Variants in MYO7B observed in about 807,000 individuals in gnomAD.
MYO7B encodes unconventional myosin-VIIb.
MYO7B carries 212 observed loss-of-function variants against 259.7 expected under a neutral mutation model. That is an observed-to-expected ratio of 0.82 (90% CI 0.73 to 0.91). MYO7B has a LOEUF of 0.91. Ranked by LOEUF, MYO7B falls within the 40% of genes least tolerant of loss-of-function variation. The probability of loss-of-function intolerance (pLI) is 0.00; values close to 1 mark genes in which losing one functional copy is unlikely to be tolerated. For synonymous variants in MYO7B, 1,197 were observed against 1,166.4 expected, an observed-to-expected ratio of 1.03 and a Z score of -0.54; for missense variants, 2,732 against 2,813.5, an observed-to-expected ratio of 0.97 and a Z score of 0.66.
intron 19 of MYO7B, among the ~76,000 whole-genome samples, chr2:127,598,990 C>T (rs1326632646): frequency 6.6e-6 from 1 of 152,164 alleles, no homozygotes; most frequent in East Asian, 1.9e-4. Flanking sequence ...AGTCTTAAAG[C>T]TGTGTAGACT....
At position 127,590,150 on chromosome 2, in the gene MYO7B, A is replaced by T; in HGVS notation, c.1913A>T (p.Asp638Val). The change falls in exon 16 of 48, where the codon GAC (aspartate) becomes GTC (valine). Residue 638 changes from aspartate (D) to valine (V), a missense_variant. Physicochemically the swap from Asp to Val is radical, Grantham distance 152 (BLOSUM62 -3). Coordinates refer to ENST00000409816, the MANE Select transcript of MYO7B (RefSeq NM_001393586.1). This position sits in a 1 kb window ranked among gnomAD's most constrained non-coding sequence, Gnocchi z 4.6. ...TLGSQFKQSL[D>V]QLMKILTNCQ... ...GGAAGCCAGTTCAAACAGTCTCTGG[A>T]CCAGCTGATGAAAATCCTGACCAAC... 6.2e-7 allele frequency: 1 copy of T among 1,610,992 alleles called. No homozygotes were observed.
At chr2:127,603,967 A>C (rs1325436283) in intron 19 of MYO7B, among the ~76,000 whole-genome samples, 1 of 152,092 alleles carries the variant, frequency 6.6e-6, no homozygotes, top group Admixed American at 6.5e-5. Flanking sequence ...CCCCATCTCT[A>C]CTAAAAATAC....
chr2:127,612,212 C>G, intron 24 of MYO7B, 38 bp from the exon 25 acceptor site: 1 of 572,282 alleles, frequency 1.7e-6, no homozygotes, highest in Non-Finnish European at 3.3e-6. Flanking sequence ...GAGGTGAGCC[C>G]AGGCTCACCT....
At position 127,546,729 on chromosome 2, in the gene MYO7B, A is replaced by G. The variant is rs1693241338; in HGVS notation, c.-24+10898A>G. Among the ~76,000 whole-genome samples, 1 of 152,058 alleles carries G rather than the reference A, an allele frequency of 6.6e-6. No homozygotes were observed. Among genetic ancestry groups the G allele is most frequent in the African/African-American group, 2.4e-5 (1 of 41,392 alleles). ...TTTTAAGCACACCAGTGCTTCCTGT[A>G]AGGGGCAATGCCTCACCTGCTTTCC... On this transcript the variant is annotated intron_variant, in intron 1 of 47. Coordinates refer to ENST00000409816, the MANE Select transcript of MYO7B (RefSeq NM_001393586.1). The surrounding 1 kb of genome is among the most constrained non-coding windows in gnomAD (Gnocchi z 4.2).
In MYO7B at chr2:127,623,329, T is replaced by C; in HGVS notation, c.3773T>C (p.Leu1258Pro). 6.2e-7 allele frequency: 1 copy of C among 1,610,626 alleles called. No homozygotes were observed. The highest frequency in any genetic ancestry group is 8.5e-7 in the Non-Finnish European group (1 of 1,178,400). ...MCMHIAHKQG[L>P]SDHLGFSLQV... is the part of the protein sequence containing the mutation. ...ATGCACATCGCTCACAAGCAGGGCCTCAGCGACCACCTGGGCTTCTCCCTC... is the reference window on the plus strand; with the variant it reads ...ATGCACATCGCTCACAAGCAGGGCCCCAGCGACCACCTGGGCTTCTCCCTC... Residue 1258 changes from leucine to proline, a missense_variant, in exon 29 of 48, where the codon CTC becomes CCC. Transcript: ENST00000409816.
chr2:127,584,119 C>T lies in MYO7B; in HGVS notation c.1344-3C>T, dbSNP rs1177283310. On this transcript the variant is annotated splice_polypyrimidine_tract_variant and splice_region_variant and intron_variant, in intron 12 of 47. Coordinates refer to ENST00000409816, the MANE Select transcript of MYO7B (RefSeq NM_001393586.1). The surrounding 1 kb of genome is among the most constrained non-coding windows in gnomAD (Gnocchi z 5.8). ...CCCCTGGGCAGTGACCTTGCCTCCA[C>T]AGCTTCGAGCAGCTCTGCATCAACT... is the stretch of plus-strand genomic sequence containing the variant. The T allele has an allele frequency of 3.1e-6, 5 of 1,611,090 alleles. No homozygotes were observed. Among genetic ancestry groups the T allele is most frequent in the Non-Finnish European group, 4.2e-6 (5 of 1,178,578 alleles).
chr2:127,608,680 G>A (rs755845358), intron 21 of MYO7B, 28 bp from the exon 22 acceptor site: 37 of 1,596,116 alleles, frequency 2.3e-5, no homozygotes, highest in Non-Finnish European at 2.9e-5. Flanking sequence ...CTGGGCCCCT[G>A]GGTAACCTTC....
chr2:127,627,192 C>A lies in MYO7B; in HGVS notation c.4342C>A (p.Leu1448Met). ...CCGTCTCTCCTGGCCAGGCCCCCGCCTGCCCAAGACGCAGCTGATCTTGGC... is the reference window on the plus strand; with the variant it reads ...CCGTCTCTCCTGGCCAGGCCCCCGCATGCCCAAGACGCAGCTGATCTTGGC... ...FEVITLSGPRLPKTQLILAVN... is the reference protein window; with the variant it reads ...FEVITLSGPRMPKTQLILAVN... Residue 1448 changes from leucine (L) to methionine (M), a missense_variant, in exon 33 of 48, where the codon CTG (leucine) becomes ATG (methionine). By Grantham distance (15) the Leu-to-Met change is conservative (BLOSUM62 2). Transcript: ENST00000409816. This position sits in a 1 kb window ranked among gnomAD's most constrained non-coding sequence, Gnocchi z 5.6. 3 of 1,609,316 alleles carry A rather than the reference C, an allele frequency of 1.9e-6. No individual in the cohort carries two copies. Among genetic ancestry groups the A allele is most frequent in the Non-Finnish European group, 2.5e-6 (3 of 1,178,062 alleles).
At chr2:127,588,784 TGGG>T (rs1679409467) in intron 15 of MYO7B, among the ~76,000 whole-genome samples, 1 of 12,798 alleles carries the variant, frequency 7.8e-5, no homozygotes, top group African/African-American at 3.1e-4. Context: ...GGATGGGTGG[TGGG>T]TGGGTGGATG....
Position 127,622,083 on chromosome 2 carries a change from C to A in MYO7B, c.3627C>A (p.Pro1209=). The A allele has an allele frequency of 1.9e-6, 3 of 1,549,898 alleles. No individual in the cohort carries two copies. The highest frequency in any genetic ancestry group is 1.7e-4 in the Middle Eastern group (1 of 5,968). The change falls in exon 28 of 48, where the codon CCC becomes CCA. Residue 1209 remains proline (P), a synonymous_variant. Coordinates refer to ENST00000409816, the MANE Select transcript of MYO7B (RefSeq NM_001393586.1). The stretch of plus-strand genomic sequence containing the variant: ...CCAATGGGGTGCGTGCGGAGCCCCC[C>A]ACCTGGCTGGAGCTGCAGGTAGGGG... The part of the protein sequence containing the change: ...TYANGVRAEP[P]TWLELQAVKS...
chr2:127,627,377 G>A lies in MYO7B; in HGVS notation c.4460+67G>A, dbSNP rs753794981. The A allele has an allele frequency of 1.3e-6, 2 of 1,510,118 alleles. No homozygotes were observed. Among genetic ancestry groups the A allele is most frequent in the Admixed American group, 1.8e-5 (1 of 55,864 alleles). 93.5% of individuals were successfully genotyped at this position (1,510,118 alleles called of 1,614,324 possible). On this transcript the variant is annotated intron_variant, in intron 33 of 47. Transcript: ENST00000409816. The surrounding 1 kb of genome is among the most constrained non-coding windows in gnomAD (Gnocchi z 5.6). ...CTTGTGATGCATCTGGGGGCTCGGG[G>A]AGAGATGGGGAGAGGGGCAGTGTGC...
chr2:127,637,235 G>A (rs775545877), intron 47 of MYO7B, 81 bp from the exon 48 acceptor site: 3 of 1,099,018 alleles, frequency 2.7e-6, no homozygotes, highest in Non-Finnish European at 4.1e-6. Context: ...GGTTGCTGAG[G>A]AAGAGAAGGT....
chr2:127,588,640 C>T, intron 15 of MYO7B, 85 bp downstream of exon 15: 1 of 1,531,870 alleles, frequency 6.5e-7, no homozygotes, highest in Non-Finnish European at 8.9e-7. Flanking sequence ...CTGTTTTACT[C>T]ACCTCTGGGT....
intron 2 of MYO7B, among the ~76,000 whole-genome samples, chr2:127,562,488 T>TTTG (rs1312211691): frequency 7.2e-6 from 1 of 138,340 alleles, no homozygotes; most frequent in Non-Finnish European, 1.6e-5. Flanking sequence ...TATTGTTTTT[T>TTTG]TTTTTTTTTT....
In MYO7B at chr2:127,607,580, A is replaced by G. The variant is rs1415245004; in HGVS notation, c.2643+156A>G. Among the ~76,000 whole-genome samples the G allele has an allele frequency of 6.6e-6, 1 of 152,082 alleles. No homozygotes were observed. The highest frequency in any genetic ancestry group is 1.5e-5 in the Non-Finnish European group (1 of 67,990). Reference sequence around the variant, plus strand: ...AAGCCAAGACGTTAAAATCTGTTCAATTACTCAAGAGCACAGCAAGGATAC... The same window carrying G: ...AAGCCAAGACGTTAAAATCTGTTCAGTTACTCAAGAGCACAGCAAGGATAC... On this transcript the variant is annotated intron_variant, in intron 21 of 47. Transcript: ENST00000409816. The surrounding 1 kb of genome is among the most constrained non-coding windows in gnomAD (Gnocchi z 4.4).
At chr2:127,635,506 C>T in intron 43 of MYO7B, 1 of 650,100 alleles carries the variant, frequency 1.5e-6, no homozygotes, top group Non-Finnish European at 2.6e-6. Flanking sequence ...GCAGGGCCAA[C>T]CACATGGGTG....
Position 127,624,156 on chromosome 2 carries a change from G to T in MYO7B, c.3883G>T (p.Ala1295Ser). The T allele has an allele frequency of 6.3e-7, 1 of 1,595,828 alleles. No homozygotes were observed. Reference sequence around the variant, plus strand: ...TGCCATCGCCCGGTGTGAGCAGATGGCCCAGGAGAGGGGCGAGAGCCAGCG... The same window carrying T: ...TGCCATCGCCCGGTGTGAGCAGATGTCCCAGGAGAGGGGCGAGAGCCAGCG... ...MDAIARCEQM[A>S]QERGESQRQS... The change falls in exon 30 of 48, where the codon GCC becomes TCC. Residue 1295 changes from alanine to serine, a missense_variant. Ala to Ser is a moderately conservative substitution (Grantham distance 99). Coordinates refer to ENST00000409816, the MANE Select transcript of MYO7B (RefSeq NM_001393586.1).
Position 127,637,487 on chromosome 2 carries a change from T to C in MYO7B, c.*70T>C. On this transcript the variant is annotated 3_prime_UTR_variant, in exon 48 of 48. Coordinates refer to ENST00000409816, the MANE Select transcript of MYO7B (RefSeq NM_001393586.1). ...AGCCTGGCGGCACCTTCCCAGGCCC[T>C]CTCAACCCAGGGCCTGTCCTTGGCG... 6 of 1,198,684 alleles carry C rather than the reference T, an allele frequency of 5.0e-6. No homozygotes were observed. Among genetic ancestry groups the C allele is most frequent in the South Asian group, 1.6e-5 (1 of 62,520 alleles). 74.3% of individuals were successfully genotyped at this position (1,198,684 alleles called of 1,614,324 possible). A position where few individuals can be genotyped will look rare whatever the true frequency, so the allele number is the denominator to read the frequency against.
At chr2:127,624,807 T>A (rs923891294) in intron 30 of MYO7B, among the ~76,000 whole-genome samples, 8 of 152,094 alleles carry the variant, frequency 5.3e-5, no homozygotes, top group Non-Finnish European at 2.9e-5. Flanking sequence ...AGCAGAGTGA[T>A]CGTACCCCTG....
Sources: allele counts gnomAD v4.1 joint callset (sites outside exome capture counted in the v4.1 genomes callset), GRCh38; gene constraint gnomAD v4.1.1; non-coding constraint Gnocchi (gnomAD v3.1); transcripts MANE v1.5; gene names NCBI Gene and HGNC (gene_info 2026-07-23, HGNC 2026-07-21).